The following YTHDF1 variants were observed in gnomAD, a reference collection of about 807,000 sequenced individuals.
The protein encoded by YTHDF1 is YTH domain-containing family protein 1.
Under a neutral mutation model 49.1 loss-of-function variants are expected in YTHDF1, and 16 were observed. That is an observed-to-expected ratio of 0.33 (90% CI 0.22 to 0.49). The LOEUF is 0.49. YTHDF1 is among the 20% of genes least tolerant of loss of function. YTHDF1 has a pLI of 0.99. For missense variants in YTHDF1, 621 were observed against 744.3 expected (o/e 0.83, Z 1.93); for synonymous variants, 313 against 290.1 (o/e 1.08, Z -0.80).
At position 63,202,456 on chromosome 20, in the gene YTHDF1, T is replaced by C. The variant is rs1373036997; in HGVS notation, c.1484A>G (p.Glu495Gly). 6.2e-7 allele frequency: 1 copy of C among 1,614,170 alleles called. No individual in the cohort carries two copies. Among genetic ancestry groups the C allele is most frequent in the Non-Finnish European group, 8.5e-7 (1 of 1,180,058 alleles). The change falls in exon 4 of 5, where the codon GAG becomes GGG. Residue 495 changes from glutamate (E) to glycine (G), a missense_variant. Physicochemically the swap from Glu to Gly is moderately conservative, Grantham distance 98. Transcript: ENST00000370339. The stretch of plus-strand genomic sequence containing the variant: ...TGTGACCGGTTTGTTGTCGTTATTC[T>C]CCAGCCTGATGTGCCGGAGCTGGTT... ...PNNQLRHIRL[E>G]NNDNKPVTNS... is the part of the protein sequence containing the mutation.
rs544448470 is a variant in YTHDF1 at position 63,213,671 on chromosome 20, G to A, written c.132+193C>T. On this transcript the variant is annotated intron_variant, in intron 3 of 4. Transcript: ENST00000370339. ...CAGTGGGATGCCGCCTCCTCCACAG[G>A]GAAAATCATTTTCACCCCACTGATG... 7.2e-5 allele frequency among the ~76,000 whole-genome samples: 11 copies of A among 152,208 alleles called. No individual in the cohort carries two copies. The South Asian group carries it at 2.3e-3, about 32-fold the overall frequency.
Position 63,197,194 on chromosome 20 carries a change from G to C in YTHDF1, c.1654-460C>G, listed in dbSNP as rs557446461. Among the ~76,000 whole-genome samples the C allele has an allele frequency of 1.1e-4, 16 of 152,284 alleles. 1 individual carries two copies. The highest frequency in any genetic ancestry group is 3.9e-4 in the African/African-American group (16 of 41,544). On this transcript the variant is annotated intron_variant, in intron 4 of 4. Transcript: ENST00000370339. Reference sequence around the variant, plus strand: ...CATTTAAACTTCTCAGTGGCACAAAGGACACCAAAATCCTTCCAACTGGCT... The same window carrying C: ...CATTTAAACTTCTCAGTGGCACAAACGACACCAAAATCCTTCCAACTGGCT...
At chr20:63,215,538 C>T in intron 2 of YTHDF1, 39 bp downstream of exon 2, 1 of 1,613,542 alleles carries the variant, frequency 6.2e-7, no homozygotes, top group Non-Finnish European at 8.5e-7. Flanking sequence ...CGTCCTCCTC[C>T]ACTCCAGCCC....
Position 63,213,943 on chromosome 20 carries a change from A to G in YTHDF1, c.53T>C (p.Val18Ala). The change falls in exon 3 of 5, where the codon GTA becomes GCA. Residue 18 changes from valine (V) to alanine (A), a missense_variant and splice_region_variant. This residue lies in a region of YTHDF1 where 470 missense variants were observed against 495.8 expected (regional missense o/e 0.95). Coordinates refer to ENST00000370339, the MANE Select transcript of YTHDF1 (RefSeq NM_017798.4). The part of the protein sequence containing the change: ...TQRTKGQDNK[V>A]QNGSLHQKDT... Reference sequence around the variant, plus strand: ...CTTCTGATGTAACGAACCATTTTGTACTAGAACAAAAAGTTGCAAAATATT... The same window carrying G: ...CTTCTGATGTAACGAACCATTTTGTGCTAGAACAAAAAGTTGCAAAATATT... 1 of 1,571,468 alleles carries G rather than the reference A, an allele frequency of 6.4e-7. No individual in the cohort carries two copies. Among genetic ancestry groups the G allele is most frequent in the Non-Finnish European group, 8.6e-7 (1 of 1,168,296 alleles).
At chr20:63,212,177 C>T (rs971522440) in intron 3 of YTHDF1, among the ~76,000 whole-genome samples, 3 of 152,226 alleles carry the variant, frequency 2.0e-5, no homozygotes, top group Non-Finnish European at 4.4e-5. Context: ...AAAGTCAAGT[C>T]AGTTCTGCCC....
intron 3 of YTHDF1, among the ~76,000 whole-genome samples, chr20:63,211,483 G>A (rs998766836): frequency 6.6e-6 from 1 of 152,126 alleles, no homozygotes; most frequent in Non-Finnish European, 1.5e-5. Flanking sequence ...AGGACCCAGA[G>A]CTATTGATAT....
intron 3 of YTHDF1, among the ~76,000 whole-genome samples, chr20:63,207,088 C>T (rs925463108): frequency 1.3e-5 from 2 of 152,236 alleles, no homozygotes; most frequent in Admixed American, 6.5e-5. Flanking sequence ...GTGCTGGAGG[C>T]GAGCTGTGCT....
At chr20:63,208,865 T>C (rs1318746726) in intron 3 of YTHDF1, among the ~76,000 whole-genome samples, 1 of 152,158 alleles carries the variant, frequency 6.6e-6, no homozygotes, top group Non-Finnish European at 1.5e-5. Flanking sequence ...TGATGAGGCA[T>C]TGTGTTCAGT....
chr20:63,212,714 A>C (rs1314355501), intron 3 of YTHDF1, among the ~76,000 whole-genome samples: 1 of 152,214 alleles, frequency 6.6e-6, no homozygotes, highest in Admixed American at 6.5e-5. Context: ...CAGAGGAGAG[A>C]GAGCAGCTCC....
intron 4 of YTHDF1, 30 bp downstream of exon 4, chr20:63,202,257 A>G: frequency 1.3e-6 from 2 of 1,595,222 alleles, no homozygotes; most frequent in Non-Finnish European, 1.7e-6. Context: ...ACACATCTGC[A>G]TGGCAGTTGC....
intron 3 of YTHDF1, among the ~76,000 whole-genome samples, chr20:63,206,672 G>C (rs2066547860): frequency 6.6e-6 from 1 of 152,236 alleles, no homozygotes; most frequent in African/African-American, 2.4e-5. Context: ...ACACAGGCAG[G>C]CTGGATACAG....
In YTHDF1 at chr20:63,215,857, C is replaced by T. The variant is rs2066599785; in HGVS notation, c.27+9G>A. 2 of 1,456,930 alleles carry T rather than the reference C, an allele frequency of 1.4e-6. No individual in the cohort carries two copies. The highest frequency in any genetic ancestry group is 1.5e-5 in the African/African-American group (1 of 67,536). 90.3% of individuals were successfully genotyped at this position (1,456,930 alleles called of 1,614,324 possible). A position where few individuals can be genotyped will look rare whatever the true frequency, so the allele number is the denominator to read the frequency against. The stretch of plus-strand genomic sequence containing the variant: ...CCCGGCCGCGGCCCCTGTAACCCGG[C>T]CCCGCTACCTGGGTGTCCACGCTGG... On this transcript the variant is annotated intron_variant, in intron 1 of 4. Coordinates refer to ENST00000370339, the MANE Select transcript of YTHDF1 (RefSeq NM_017798.4).
At chr20:63,213,739 T>C in intron 3 of YTHDF1, 125 bp downstream of exon 3, 2 of 837,942 alleles carry the variant, frequency 2.4e-6, no homozygotes, top group Non-Finnish European at 3.6e-6. Context: ...CAGTCTATCA[T>C]TCCTAATACT....
rs201856947 is a variant in YTHDF1 at position 63,202,292 on chromosome 20, G to A, written c.1648C>T (p.Arg550Cys). Residue 550 changes from arginine to cysteine, a missense_variant, in exon 4 of 5, where the codon CGC (arginine) becomes TGC (cysteine). Arg to Cys is a radical substitution (Grantham distance 180). Transcript: ENST00000370339. ...CCTGCAACACCCAGCCTCACCTTGC[G>A]CACCACCTCCTCCTCCTCCTGGCGC... ...EKRQEEEEVV[R>C]KERQSRNKQ 18 of 1,611,652 alleles carry A rather than the reference G, an allele frequency of 1.1e-5. No homozygotes were observed. The highest frequency in any genetic ancestry group is 1.5e-5 in the Non-Finnish European group (18 of 1,178,262).
rs1255009121 is a variant in YTHDF1 at position 63,202,800 on chromosome 20, T to C, written c.1140A>G (p.Lys380=). 6.2e-6 allele frequency: 10 copies of C among 1,613,984 alleles called. No homozygotes were observed. Among genetic ancestry groups the C allele is most frequent in the East Asian group, 2.2e-5 (1 of 44,906 alleles). Residue 380 remains lysine, a synonymous_variant, in exon 4 of 5, where the codon AAA becomes AAG. Transcript: ENST00000370339. ...CGCTTTTCAGATTCCACTCAAACTC[T>C]TTCGGGTTGTAGCTGTGAGCAGCCT... is the stretch of plus-strand genomic sequence containing the variant. ...KLKAAHSYNP[K]EFEWNLKSGR...
Position 63,196,624 on chromosome 20 carries a change from C to A in YTHDF1, c.*84G>T. The A allele has an allele frequency of 6.5e-7, 1 of 1,547,194 alleles. No homozygotes were observed. The highest frequency in any genetic ancestry group is 8.9e-7 in the Non-Finnish European group (1 of 1,127,188). On this transcript the variant is annotated 3_prime_UTR_variant, in exon 5 of 5. Transcript: ENST00000370339. ...TGCAACACTCAACCCCCGCACGGGA[C>A]GACACACTGGAGCTGACCAAGCACA...
Position 63,202,981 on chromosome 20 carries a change from G to A in YTHDF1, c.959C>T (p.Pro320Leu). Residue 320 changes from proline (P) to leucine (L), a missense_variant, in exon 4 of 5, where the codon CCT becomes CTT. By Grantham distance (98) the Pro-to-Leu change is moderately conservative. This residue lies in a region of YTHDF1 where 470 missense variants were observed against 495.8 expected (regional missense o/e 0.95). Coordinates refer to ENST00000370339, the MANE Select transcript of YTHDF1 (RefSeq NM_017798.4). ...CCAGCGGGTCTGGGGTGGCTGCTGA[G>A]GGCTCTGATACTGCGGTTGAGCCAA... ...PALAQPQYQS[P>L]QQPPQTRWVA... 6.2e-7 allele frequency: 1 copy of A among 1,613,562 alleles called. No homozygotes were observed. Among genetic ancestry groups the A allele is most frequent in the Non-Finnish European group, 8.5e-7 (1 of 1,179,984 alleles).
intron 3 of YTHDF1, among the ~76,000 whole-genome samples, chr20:63,209,444 A>G (rs772906755): frequency 1.3e-5 from 2 of 152,020 alleles, no homozygotes; most frequent in Non-Finnish European, 1.5e-5. Flanking sequence ...TTTCTATTAA[A>G]TTTTTTTTAA....
Position 63,202,646 on chromosome 20 carries a change from C to A in YTHDF1, c.1294G>T (p.Gly432Trp). The A allele has an allele frequency of 6.2e-7, 1 of 1,613,896 alleles. No homozygotes were observed. The highest frequency in any genetic ancestry group is 8.5e-7 in the Non-Finnish European group (1 of 1,180,040). ...ACGCTGAAGAGCAGGTAGACGGGCC[C>A]CTTGCTGCTCATGCAGCGGAAGGCG... is the stretch of plus-strand genomic sequence containing the variant. Reference protein sequence around the residue: ...DSAFRCMSSKGPVYLLFSVNG... With the variant: ...DSAFRCMSSKWPVYLLFSVNG... Residue 432 changes from glycine (G) to tryptophan (W), a missense_variant, in exon 4 of 5, where the codon GGG becomes TGG. Gly to Trp is a radical substitution (Grantham distance 184). This residue lies in a region of YTHDF1 where 151 missense variants were observed against 248.5 expected (regional missense o/e 0.61). Transcript: ENST00000370339.
Sources: gnomAD v4.1 joint callset for allele counts (sites outside exome capture counted in the v4.1 genomes callset) on GRCh38, gnomAD v4.1.1 for gene constraint, gnomAD v4.1.1 regional missense constraint, MANE v1.5 for transcripts, NCBI Gene and HGNC (gene_info 2026-07-23, HGNC 2026-07-21) for gene names.